SETBP1: variants seen among roughly 807,000 people sequenced by gnomAD.
SETBP1 encodes the protein SET-binding protein.
A neutral mutation model predicts 101.0 loss-of-function variants in SETBP1; 9 were observed. The observed-to-expected ratio is 0.09, with a 90% CI of 0.05 to 0.16. SETBP1 has a LOEUF of 0.16. SETBP1 is among the 10% of genes least tolerant of loss of function. SETBP1 has a pLI of 1.00. For synonymous variants in SETBP1, 818 were observed against 788.5 expected, an observed-to-expected ratio of 1.04 and a Z score of -0.63; for missense variants, 1,858 against 2,033.8, an observed-to-expected ratio of 0.91 and a Z score of 1.66.
intron 2 of SETBP1, among the ~76,000 whole-genome samples, chr18:44,704,305 TA>T: frequency 6.6e-6 from 1 of 152,328 alleles, no homozygotes; most frequent in East Asian, 1.9e-4. Context: ...GGGAAAGAAA[TA>T]AAATTGCTTA....
chr18:45,015,620 C>T (rs1037269812), intron 4 of SETBP1, among the ~76,000 whole-genome samples: 1 of 152,102 alleles, frequency 6.6e-6, no homozygotes, highest in Non-Finnish European at 1.5e-5. Flanking sequence ...ATCTCACAAA[C>T]GTGTTTGTGA....
chr18:44,812,917 G>C (rs776936410), intron 2 of SETBP1, among the ~76,000 whole-genome samples: 2 of 152,206 alleles, frequency 1.3e-5, no homozygotes, highest in African/African-American at 4.8e-5. Context: ...TCACAGGCCA[G>C]AAGTGTTGCC....
chr18:44,694,695 T>C (rs186983972), intron 1 of SETBP1, among the ~76,000 whole-genome samples: 1 of 151,906 alleles, frequency 6.6e-6, no homozygotes, highest in Non-Finnish European at 1.5e-5. Flanking sequence ...GGCTTCACAA[T>C]GGGTAGAAGG....
rs1268358528 is a variant in SETBP1, at chr18:44,701,195, G to C, written c.-152G>C. On this transcript the variant is annotated 5_prime_UTR_variant, in exon 2 of 6. Coordinates refer to ENST00000649279, the MANE Select transcript of SETBP1 (RefSeq NM_015559.3). ...CTCAGTTGCAGATCTGATCTCTTCT[G>C]AACACCTCATCGTGTCTCCATCCCT... The C allele has an allele frequency of 3.9e-6, 3 of 778,500 alleles. No individual in the cohort carries two copies. The highest frequency in any genetic ancestry group is 4.0e-6 in the Non-Finnish European group (2 of 504,908). The allele number at this position is 778,500 out of a possible 1,614,324, so 48.2% of individuals were successfully genotyped here.
chr18:44,938,200 G>A (rs570389715), intron 3 of SETBP1, among the ~76,000 whole-genome samples: 1 of 152,278 alleles, frequency 6.6e-6, no homozygotes, highest in African/African-American at 2.4e-5. Context: ...AACCCTGTTG[G>A]CTTCCCTCCT....
At chr18:45,017,573 A>G (rs953556901) in intron 4 of SETBP1, among the ~76,000 whole-genome samples, 1 of 152,256 alleles carries the variant, frequency 6.6e-6, no homozygotes, top group Non-Finnish European at 1.5e-5. Flanking sequence ...CACTGGTGAC[A>G]GAGACAAAGA....
intron 2 of SETBP1, among the ~76,000 whole-genome samples, chr18:44,724,283 A>G (rs1465375437): frequency 6.6e-6 from 1 of 152,164 alleles, no homozygotes; most frequent in Non-Finnish European, 1.5e-5. Flanking sequence ...ATGTTGGGAA[A>G]AGTCAAAGAG....
rs1172611531 is a variant in SETBP1, at chr18:44,742,971, C to CT, written c.486+41139_486+41140insT. On this transcript the variant is annotated intron_variant, in intron 2 of 5. Transcript: ENST00000649279. ...CTTCTCTCTCTCTCTCTCTCTCTCT[C>CT]CCCCCCTGTCCCGTTACCCCTTTCT... Among the ~76,000 whole-genome samples the CT allele has an allele frequency of 1.2e-3, 141 of 118,228 alleles. 1 individual carries two copies. In the South Asian group the frequency reaches 0.032, roughly 27 times the overall value. The allele number at this position is 118,228 out of a possible 152,430, so 77.6% of individuals were successfully genotyped here.
At chr18:45,060,454 A>G (rs2145583593) in intron 5 of SETBP1, among the ~76,000 whole-genome samples, 1 of 152,294 alleles carries the variant, frequency 6.6e-6, no homozygotes, top group South Asian at 2.1e-4. Flanking sequence ...ATATGCAACA[A>G]AAGGATTAAA....
At chr18:44,863,306 G>C (rs1236798103) in intron 2 of SETBP1, among the ~76,000 whole-genome samples, 1 of 152,096 alleles carries the variant, frequency 6.6e-6, no homozygotes, top group East Asian at 1.9e-4. Context: ...CTTTCTTTGG[G>C]TTGCATACAT....
intron 2 of SETBP1, among the ~76,000 whole-genome samples, chr18:44,818,453 A>G (rs144786859): frequency 0.013 from 2,050 of 152,258 alleles, 24 homozygotes; most frequent in Non-Finnish European, 0.018. Context: ...CCACTCTGAC[A>G]TGGGAACTCC....
chr18:44,980,880 C>A (rs781438332), intron 4 of SETBP1, among the ~76,000 whole-genome samples: 1 of 152,216 alleles, frequency 6.6e-6, no homozygotes, highest in Non-Finnish European at 1.5e-5. Flanking sequence ...AGACCTAGCT[C>A]TCATGGACAG....
At chr18:45,018,914 T>C (rs1452393701) in intron 4 of SETBP1, among the ~76,000 whole-genome samples, 3 of 152,190 alleles carry the variant, frequency 2.0e-5, no homozygotes, top group Admixed American at 6.5e-5. Flanking sequence ...TGATTAGGAA[T>C]GAGCAGGAAG....
At chr18:44,756,159 C>T (rs1207443762) in intron 2 of SETBP1, among the ~76,000 whole-genome samples, 1 of 151,014 alleles carries the variant, frequency 6.6e-6, no homozygotes, top group African/African-American at 2.4e-5. Flanking sequence ...AGAGGTTGCA[C>T]TGAGCTGAAA....
At chr18:44,955,467 G>C (rs1354453332) in intron 4 of SETBP1, among the ~76,000 whole-genome samples, 1 of 152,208 alleles carries the variant, frequency 6.6e-6, no homozygotes, top group Non-Finnish European at 1.5e-5. Context: ...CTGCCCATCT[G>C]TAACTCATGG....
At chr18:44,781,409 C>T (rs2071126653) in intron 2 of SETBP1, among the ~76,000 whole-genome samples, 1 of 151,940 alleles carries the variant, frequency 6.6e-6, no homozygotes. Context: ...CCTCTTATCA[C>T]CAAAGCAACA....
intron 4 of SETBP1, among the ~76,000 whole-genome samples, chr18:45,000,793 AACACAC>A (rs113870439): frequency 5.5e-5 from 8 of 146,700 alleles, no homozygotes; most frequent in African/African-American, 1.8e-4. Flanking sequence ...GAATGCACAC[AACACAC>A]ACACACACAC....
At chr18:44,810,627 A>G (rs1332425364) in intron 2 of SETBP1, among the ~76,000 whole-genome samples, 2 of 152,144 alleles carry the variant, frequency 1.3e-5, no homozygotes, top group African/African-American at 4.8e-5. Flanking sequence ...TCCTAATTGT[A>G]ATATCTTTTG....
At chr18:44,704,785 TA>T (rs972025401) in intron 2 of SETBP1, among the ~76,000 whole-genome samples, 9 of 152,226 alleles carry the variant, frequency 5.9e-5, no homozygotes, top group African/African-American at 2.2e-4. Context: ...ATGTGATCAG[TA>T]ATTTGGCTCA....
Sources: gnomAD v4.1 joint callset for allele counts (sites outside exome capture counted in the v4.1 genomes callset) on GRCh38, gnomAD v4.1.1 for gene constraint, MANE v1.5 for transcripts, NCBI Gene and HGNC (gene_info 2026-07-23, HGNC 2026-07-21) for gene names.